C12orf42: variants seen among roughly 807,000 people sequenced by gnomAD.
C12orf42 encodes the protein chromosome 12 open reading frame 42.
C12orf42 carries 25 observed loss-of-function variants against 21.6 expected under a neutral mutation model. The ratio of observed to expected loss-of-function variants is 1.16; its 90% CI spans 0.84 to 1.62. The LOEUF (loss-of-function observed/expected upper bound fraction) is 1.62. C12orf42 is among the 40% of genes most tolerant of loss of function. The probability of loss-of-function intolerance (pLI) is 0.00; values close to 1 mark genes in which losing one functional copy is unlikely to be tolerated. For missense variants in C12orf42, 483 were observed against 459.3 expected (o/e 1.05, Z -0.47); for synonymous variants, 174 against 175.0 (o/e 0.99, Z 0.05).
At chr12:103,558,366 A>G in the C12orf42 span, 5 of 152,150 alleles carry the variant, frequency 3.3e-5, no homozygotes, top group Non-Finnish European at 5.9e-5. Flanking sequence ...GTTTTAACTC[A>G]CTGTACCCTT....
chr12:103,550,075 T>C, the C12orf42 span, among the ~76,000 whole-genome samples: 5 of 152,020 alleles, frequency 3.3e-5, no homozygotes, highest in Non-Finnish European at 7.4e-5. Flanking sequence ...TTATTACATA[T>C]AAATATAATA....
At chr12:103,262,894 G>A (rs2034969193) in intron 10 of C12orf42, among the ~76,000 whole-genome samples, 1 of 152,148 alleles carries the variant, frequency 6.6e-6, no homozygotes, top group South Asian at 2.1e-4. Context: ...CAAAGACTCG[G>A]AACCAACCCA....
chr12:103,150,488 G>C, the C12orf42 span, among the ~76,000 whole-genome samples: 3 of 152,190 alleles, frequency 2.0e-5, no homozygotes, highest in Non-Finnish European at 2.9e-5. Context: ...GCTAGCCACT[G>C]TGCTAATTTA....
the C12orf42 span, among the ~76,000 whole-genome samples, chr12:103,551,696 A>T: frequency 5.9e-5 from 9 of 152,182 alleles, no homozygotes; most frequent in African/African-American, 2.2e-4. Context: ...ATGCACCTGT[A>T]GTCCCAGCTA....
the C12orf42 span, chr12:103,178,627 C>G: frequency 6.6e-6 from 1 of 152,188 alleles, no homozygotes; most frequent in African/African-American, 2.4e-5. Flanking sequence ...GTGTCCGAAA[C>G]CTGAAAGGGG....
the C12orf42 span, among the ~76,000 whole-genome samples, chr12:103,123,376 G>A: frequency 0.038 from 5,818 of 152,164 alleles, 248 homozygotes; most frequent in East Asian, 0.19. Flanking sequence ...CAGGAACTCC[G>A]TTCCCAAGAT....
At chr12:103,432,831 A>G (rs1442652541) in intron 2 of C12orf42, among the ~76,000 whole-genome samples, 15 of 152,190 alleles carry the variant, frequency 9.9e-5, no homozygotes. Context: ...CATCAGCAAG[A>G]CAGAGGCCTC....
chr12:103,301,082 T>C (rs2037616575), downstream of C12orf42, among the ~76,000 whole-genome samples: 1 of 152,220 alleles, frequency 6.6e-6, no homozygotes, highest in South Asian at 2.1e-4. Flanking sequence ...TTATTGCTTA[T>C]AACATTTCAT....
At chr12:103,555,988 A>G in the C12orf42 span, among the ~76,000 whole-genome samples, 2 of 152,140 alleles carry the variant, frequency 1.3e-5, no homozygotes, top group Non-Finnish European at 2.9e-5. Flanking sequence ...AGCAGTTGGA[A>G]GTCAGTCCCC....
chr12:103,149,308 G>C, the C12orf42 span, among the ~76,000 whole-genome samples: 2 of 152,128 alleles, frequency 1.3e-5, no homozygotes, highest in South Asian at 2.1e-4. Context: ...TATGATAAAG[G>C]TTGCCCCAAG....
At position 103,329,159 on chromosome 12, in the gene C12orf42, G is replaced by C. The variant is rs180814438; in HGVS notation, c.260-22814C>G. ...AGAGCTATGGCAGGGACGCAGGCATGCATTCAGAGCTATGGCAGTATGAGG... is the reference window on the plus strand; with the variant it reads ...AGAGCTATGGCAGGGACGCAGGCATCCATTCAGAGCTATGGCAGTATGAGG... On this transcript the variant is annotated intron_variant, in intron 4 of 5. Coordinates refer to ENST00000548883, the MANE Select transcript of C12orf42 (RefSeq NM_198521.5). Among the ~76,000 whole-genome samples the C allele has an allele frequency of 2.0e-5, 3 of 152,296 alleles. No homozygotes were observed. In the East Asian group the frequency reaches 5.8e-4, roughly 29 times the overall value.
the C12orf42 span, among the ~76,000 whole-genome samples, chr12:103,211,388 A>G: frequency 6.6e-6 from 1 of 152,174 alleles, no homozygotes; most frequent in African/African-American, 2.4e-5. Flanking sequence ...AGGCTTCAAC[A>G]TATAAACTTT....
intron 5 of C12orf42, among the ~76,000 whole-genome samples, chr12:103,276,501 C>T (rs2035780268): frequency 6.6e-6 from 1 of 152,108 alleles, no homozygotes; most frequent in South Asian, 2.1e-4. Flanking sequence ...ATCCCATGTC[C>T]AAGGAGGAGC....
chr12:103,294,029 A>G (rs1429310397), intron 4 of C12orf42, among the ~76,000 whole-genome samples: 1 of 152,146 alleles, frequency 6.6e-6, no homozygotes, highest in Non-Finnish European at 1.5e-5. Context: ...TGTTCAGTAA[A>G]TATTTTAGAA....
the C12orf42 span, among the ~76,000 whole-genome samples, chr12:103,223,367 G>C: frequency 6.6e-6 from 1 of 152,158 alleles, no homozygotes; most frequent in Non-Finnish European, 1.5e-5. Context: ...AATGATTGGT[G>C]ATGGCCTGGA....
chr12:103,149,417 T>G, the C12orf42 span, among the ~76,000 whole-genome samples: 1 of 152,206 alleles, frequency 6.6e-6, no homozygotes, highest in Admixed American at 6.6e-5. Flanking sequence ...AACAATGATT[T>G]TTTTTAGTAT....
intron 2 of C12orf42, among the ~76,000 whole-genome samples, chr12:103,423,603 T>C (rs1330439090): frequency 6.6e-6 from 1 of 152,232 alleles, no homozygotes; most frequent in Admixed American, 6.5e-5. Context: ...TGTTTGTACA[T>C]GTGCTTCCAT....
At chr12:103,294,583 G>GGAAAGAAAGAAAGAAAGAAAGAAAGAAA (rs60577440) in intron 4 of C12orf42, among the ~76,000 whole-genome samples, 1 of 80,280 alleles carries the variant, frequency 1.2e-5, no homozygotes, top group African/African-American at 5.4e-5. Flanking sequence ...AAGGAAGGAA[G>GGAAAGAAAGAAAGAAAGAAAGAAAGAAA]GAAAGAAAGA....
intron 4 of C12orf42, among the ~76,000 whole-genome samples, chr12:103,296,575 C>G (rs1239657170): frequency 2.0e-5 from 3 of 151,590 alleles, no homozygotes; most frequent in African/African-American, 2.4e-5. Context: ...GAGATGGTAT[C>G]TCATTGTGGT....
Sources: allele counts gnomAD v4.1 joint callset (sites outside exome capture counted in the v4.1 genomes callset), GRCh38; gene constraint gnomAD v4.1.1; transcripts MANE v1.5; gene names NCBI Gene and HGNC (gene_info 2026-07-23, HGNC 2026-07-21).